Variants in GABBR2 observed in about 807,000 individuals in gnomAD.
The protein encoded by GABBR2 is G-protein coupled receptor 51.
A neutral mutation model predicts 105.6 loss-of-function variants in GABBR2; 23 were observed. The observed-to-expected ratio is 0.22, with a 90% CI of 0.16 to 0.31. The LOEUF is 0.31. GABBR2 is among the 10% of genes least tolerant of loss of function. GABBR2 has a pLI of 1.00. For missense variants in GABBR2, 734 were observed against 1,245.5 expected, an observed-to-expected ratio of 0.59 and a Z score of 6.18; for synonymous variants, 478 against 499.7, an observed-to-expected ratio of 0.96 and a Z score of 0.58.
chr9:98,669,585 G>A (rs1010289377), intron 1 of GABBR2, among the ~76,000 whole-genome samples: 13 of 152,034 alleles, frequency 8.6e-5, no homozygotes, highest in African/African-American at 3.1e-4. Context: ...TTTGGTTTTA[G>A]AGCACAATGT....
At chr9:98,708,307 C>T in intron 1 of GABBR2, 110 bp downstream of exon 1, 1 of 1,144,912 alleles carries the variant, frequency 8.7e-7, no homozygotes, top group Non-Finnish European at 1.1e-6. Context: ...CCTCGGCAGG[C>T]GCGGGCCGGT....
chr9:98,570,839 C>T (rs1828819831), intron 2 of GABBR2, among the ~76,000 whole-genome samples: 1 of 152,206 alleles, frequency 6.6e-6, no homozygotes, highest in Non-Finnish European at 1.5e-5. Flanking sequence ...GTCCGTTTAA[C>T]AAGAGGCTGC....
rs1015522187 is a variant in GABBR2 at position 98,449,824 on chromosome 9, G to A, written c.1236+4157C>T. Among the ~76,000 whole-genome samples the A allele has an allele frequency of 6.6e-5, 10 of 152,196 alleles. No homozygotes were observed. The South Asian group carries it at 2.1e-3, about 32-fold the overall frequency. ...CATCCTGAGACTTCTAAACCATGGAGGGCCAATCCCAGGGCTGAACATCAG... is the reference window on the plus strand; with the variant it reads ...CATCCTGAGACTTCTAAACCATGGAAGGCCAATCCCAGGGCTGAACATCAG... On this transcript the variant is annotated intron_variant, in intron 7 of 18. Coordinates refer to ENST00000259455, the MANE Select transcript of GABBR2 (RefSeq NM_005458.8).
At chr9:98,620,246 T>TC (rs1390390669) in intron 1 of GABBR2, among the ~76,000 whole-genome samples, 6 of 85,924 alleles carry the variant, frequency 7.0e-5, no homozygotes, top group East Asian at 5.6e-4. Context: ...ATTTTCTCTC[T>TC]TTCTCTCTCT....
chr9:98,561,083 C>A (rs1828667900), intron 2 of GABBR2, among the ~76,000 whole-genome samples: 1 of 151,890 alleles, frequency 6.6e-6, no homozygotes, highest in African/African-American at 2.4e-5. Context: ...TCACGCCTTG[C>A]TTTTGGTTGG....
chr9:98,314,957 T>C (rs968717617), intron 13 of GABBR2, among the ~76,000 whole-genome samples: 8 of 152,222 alleles, frequency 5.3e-5, no homozygotes, highest in Non-Finnish European at 1.2e-4. Flanking sequence ...TGGCTTTCTA[T>C]ATAATCTTCC....
intron 3 of GABBR2, chr9:98,538,544 A>T (rs1047634572): frequency 2.1e-6 from 2 of 939,972 alleles, no homozygotes; most frequent in African/African-American, 3.6e-5. Context: ...CCATGGGCTT[A>T]CCTTGAAACT....
At chr9:98,346,911 C>A (rs1196497323) in intron 13 of GABBR2, among the ~76,000 whole-genome samples, 1 of 152,118 alleles carries the variant, frequency 6.6e-6, no homozygotes, top group Admixed American at 6.5e-5. Flanking sequence ...GACAGGATTT[C>A]ATTCTTTTTT....
intron 1 of GABBR2, among the ~76,000 whole-genome samples, chr9:98,648,831 C>A (rs920886947): frequency 6.6e-6 from 1 of 152,178 alleles, no homozygotes; most frequent in African/African-American, 2.4e-5. Context: ...AGCCACAGAC[C>A]AGCTGGACTA....
intron 13 of GABBR2, among the ~76,000 whole-genome samples, chr9:98,319,997 A>T (rs1830790500): frequency 6.6e-6 from 1 of 152,142 alleles, no homozygotes; most frequent in Non-Finnish European, 1.5e-5. Context: ...TAAACTAAAG[A>T]GCTTCTGCAC....
At chr9:98,680,527 T>C (rs1830531432) in intron 1 of GABBR2, among the ~76,000 whole-genome samples, 1 of 152,130 alleles carries the variant, frequency 6.6e-6, no homozygotes, top group South Asian at 2.1e-4. Flanking sequence ...GCCATGATGG[T>C]CTCGATCTCC....
intron 2 of GABBR2, among the ~76,000 whole-genome samples, chr9:98,576,904 T>TTGGA (rs71369567): frequency 0.037 from 3,643 of 99,556 alleles, 58 homozygotes; most frequent in Admixed American, 0.086. Flanking sequence ...AAAATATTTG[T>TTGGA]TGGATGGATG....
chr9:98,299,113 C>T (rs1830427414), intron 17 of GABBR2, 111 bp downstream of exon 17: 7 of 894,110 alleles, frequency 7.8e-6, no homozygotes, highest in Non-Finnish European at 1.3e-5. Context: ...GACTTCATAC[C>T]AGTCCTGTGC....
At chr9:98,658,997 C>T (rs1360934692) in intron 1 of GABBR2, among the ~76,000 whole-genome samples, 1 of 152,200 alleles carries the variant, frequency 6.6e-6, no homozygotes, top group Admixed American at 6.5e-5. Context: ...GCAAAATACT[C>T]CAAGTCTGAC....
At chr9:98,625,906 G>A (rs1829730549) in intron 1 of GABBR2, among the ~76,000 whole-genome samples, 1 of 152,196 alleles carries the variant, frequency 6.6e-6, no homozygotes, top group Admixed American at 6.5e-5. Flanking sequence ...ACAATATGTA[G>A]TGATCTGGAT....
intron 7 of GABBR2, 23 bp downstream of exon 7, chr9:98,453,958 C>T: frequency 6.6e-7 from 1 of 1,522,174 alleles, no homozygotes; most frequent in Non-Finnish European, 9.1e-7. Context: ...CTAAGGAAAA[C>T]AGCCCAGAGG....
At chr9:98,448,820 T>C (rs554017401) in intron 7 of GABBR2, among the ~76,000 whole-genome samples, 1 of 151,960 alleles carries the variant, frequency 6.6e-6, no homozygotes, top group African/African-American at 2.4e-5. Context: ...ATACTGCTGG[T>C]AACAGCCATC....
At chr9:98,655,893 G>T (rs976788672) in intron 1 of GABBR2, among the ~76,000 whole-genome samples, 1 of 151,720 alleles carries the variant, frequency 6.6e-6, no homozygotes, top group Non-Finnish European at 1.5e-5. Context: ...TAGATCACGG[G>T]TTGATGGGTG....
At chr9:98,429,437 G>C (rs1429264251) in intron 7 of GABBR2, among the ~76,000 whole-genome samples, 2 of 152,066 alleles carry the variant, frequency 1.3e-5, no homozygotes, top group African/African-American at 4.8e-5. Flanking sequence ...CACCACGCCT[G>C]GCCGGATTTT....
Sources: gnomAD v4.1 joint callset for allele counts (sites outside exome capture counted in the v4.1 genomes callset) on GRCh38, gnomAD v4.1.1 for gene constraint, MANE v1.5 for transcripts, NCBI Gene and HGNC (gene_info 2026-07-23, HGNC 2026-07-21) for gene names.